SPDYE16: variants seen among roughly 807,000 people sequenced by gnomAD.
SPDYE16 encodes the protein speedy/RINGO cell cycle regulator family member E16, also known as speedy protein E16.
SPDYE16 carries 5 observed loss-of-function variants against 40.1 expected under a neutral mutation model. The ratio of observed to expected loss-of-function variants is 0.12; its 90% confidence interval spans 0.07 to 0.26. The LOEUF (loss-of-function observed/expected upper bound fraction) is 0.26, where lower values mean the gene tolerates loss of function less well. Among genes scored for constraint, SPDYE16 ranks in the 10% least tolerant of loss-of-function variants. The pLI, the probability that SPDYE16 is intolerant of heterozygous loss-of-function variation, is 1.00. For missense variants in SPDYE16, 98 were observed against 409.8 expected (o/e 0.24, Z 6.57); for synonymous variants, 40 against 154.2 (o/e 0.26, Z 5.49).
At position 76,534,043 on chromosome 7, in the gene SPDYE16, G is replaced by C; in HGVS notation, c.832C>G (p.Arg278Gly). Reference protein sequence around the residue: ...NIFYFLYGKTRSRIPLVRNRR... With the variant: ...NIFYFLYGKTGSRIPLVRNRR... ...TTACGGACCAAGGGTATGCGAGAGCGGGTCTTCCCATACAGGAAGTAGAAG... is the reference window on the plus strand; with the variant it reads ...TTACGGACCAAGGGTATGCGAGAGCCGGTCTTCCCATACAGGAAGTAGAAG... The change falls in exon 7 of 9, where the codon CGC (arginine) becomes GGC (glycine). Residue 278 changes from arginine to glycine, a missense_variant. Transcript: ENST00000633306. The C allele has an allele frequency of 1.3e-6, 2 of 1,530,684 alleles. No homozygotes were observed. Among genetic ancestry groups the C allele is most frequent in the East Asian group, 2.4e-5 (1 of 41,594 alleles). 94.8% of individuals were successfully genotyped at this position (1,530,684 alleles called of 1,614,324 possible). A position where few individuals can be genotyped will look rare whatever the true frequency, so the allele number is the denominator to read the frequency against.
Position 76,541,308 on chromosome 7 carries a change from C to A in SPDYE16, c.152G>T (p.Gly51Val), listed in dbSNP as rs1203843688. Residue 51 changes from glycine (G) to valine (V), a missense_variant, in exon 2 of 9, where the codon GGA (glycine) becomes GTA (valine). Transcript: ENST00000633306. ...TCCACCAGTCCCCTCACCTGATGAT[C>A]CCAACACTTCATCATCCACCACCTC... ...LQEVVDDEVL[G>V]SSAPGVDPSP... 2.0e-5 allele frequency: 30 copies of A among 1,534,470 alleles called. 1 individual carries two copies. Among genetic ancestry groups the A allele is most frequent in the Non-Finnish European group, 2.4e-5 (28 of 1,146,638 alleles).
chr7:76,541,256 C>T, intron 2 of SPDYE16, 44 bp downstream of exon 2: 1 of 1,529,656 alleles, frequency 6.5e-7, no homozygotes, highest in Non-Finnish European at 8.7e-7. Context: ...CTTCCTTCGT[C>T]TTAGTCAATC....
At chr7:76,533,301 CA>C in intron 8 of SPDYE16, 1 of 661,366 alleles carries the variant, frequency 1.5e-6, no homozygotes, top group Non-Finnish European at 1.9e-6. Context: ...ACCCTCGACC[CA>C]AATCGGTAAC....
intron 1 of SPDYE16, among the ~76,000 whole-genome samples, 119 bp from the exon 2 acceptor site, chr7:76,541,999 T>TCA (rs1237695482): frequency 6.9e-5 from 8 of 116,020 alleles, no homozygotes; most frequent in African/African-American, 2.3e-4. Flanking sequence ...AGTGAGATTA[T>TCA]CATGTACAAG....
chr7:76,539,868 C>T lies in SPDYE16; in HGVS notation c.379+260G>A, dbSNP rs554357614. Among the ~76,000 whole-genome samples, 32 of 113,482 alleles carry T rather than the reference C, an allele frequency of 2.8e-4. 6 individuals carry two copies. In the South Asian group the frequency reaches 7.9e-3, roughly 28 times the overall value. 74.4% of individuals were successfully genotyped at this position (113,482 alleles called of 152,430 possible). On this transcript the variant is annotated intron_variant, in intron 3 of 8. Coordinates refer to ENST00000633306, the MANE Select transcript of SPDYE16 (RefSeq NM_001394943.1). ...CAATCCTCTTGCCTCAGCCTCCCAG[C>T]GTGCTAGGATCTCAGGCGTGAGCCA...
At chr7:76,541,930 CGAT>C (rs925282343) in intron 1 of SPDYE16, among the ~76,000 whole-genome samples, 50 bp from the exon 2 acceptor site, 1 of 56,940 alleles carries the variant, frequency 1.8e-5, no homozygotes, top group Non-Finnish European at 3.6e-5. Flanking sequence ...TAAGCAGAAA[CGAT>C]GAAACCTTAT....
At chr7:76,539,167 T>G (rs1248398659) in intron 3 of SPDYE16, among the ~76,000 whole-genome samples, 13 of 93,826 alleles carry the variant, frequency 1.4e-4, no homozygotes, top group Non-Finnish European at 2.8e-4. Flanking sequence ...AACCTCCGCC[T>G]CCTGGGTTCC....
chr7:76,532,873 T>TCTAG (rs1812950115), intron 8 of SPDYE16, 79 bp from the exon 9 acceptor site: 1 of 785,624 alleles, frequency 1.3e-6, no homozygotes, highest in Non-Finnish European at 1.5e-6. Context: ...CCATGTCAAG[T>TCTAG]CTAGAGTTCA....
chr7:76,540,974 CTTTTTT>C (rs1292373639), intron 2 of SPDYE16, among the ~76,000 whole-genome samples: 1 of 113,474 alleles, frequency 8.8e-6, no homozygotes, highest in Admixed American at 9.1e-5. Flanking sequence ...CTTTTCTTTT[CTTTTTT>C]TTTTTTTTTT....
chr7:76,537,901 C>T (rs1813070484), intron 4 of SPDYE16, among the ~76,000 whole-genome samples: 2 of 75,996 alleles, frequency 2.6e-5, no homozygotes, highest in South Asian at 5.2e-4. Flanking sequence ...GTGACCATGG[C>T]CTTGGGATCC....
At chr7:76,533,507 G>A (rs1337798811) in intron 8 of SPDYE16, 142 bp downstream of exon 8, 2 of 824,782 alleles carry the variant, frequency 2.4e-6, no homozygotes, top group South Asian at 2.5e-5. Flanking sequence ...ATCCCACGTC[G>A]CCTGGCTAAT....
intron 1 of SPDYE16, among the ~76,000 whole-genome samples, 172 bp downstream of exon 1, chr7:76,543,004 C>G (rs1271825021): frequency 3.9e-4 from 55 of 142,820 alleles, no homozygotes; most frequent in African/African-American, 5.0e-4. Context: ...ACTAAAAATA[C>G]AAAAAATTAG....
At position 76,541,415 on chromosome 7, in the gene SPDYE16, C is replaced by T; in HGVS notation, c.45G>A (p.Lys15=). The T allele has an allele frequency of 6.5e-7, 1 of 1,534,800 alleles. No individual in the cohort carries two copies. Among genetic ancestry groups the T allele is most frequent in the Non-Finnish European group, 8.7e-7 (1 of 1,146,642 alleles). The change falls in exon 2 of 9, where the codon AAG becomes AAA. Residue 15 remains lysine, a synonymous_variant. Transcript: ENST00000633306. ...GTTGACGGCTGGTCGTGATCTTTCC[C>T]TTAATCTGTCCCCTCTTACGGAACC... is the stretch of plus-strand genomic sequence containing the variant. ...ETRFRKRGQI[K]GKITTSRQPH... is the part of the protein sequence containing the mutation.
intron 1 of SPDYE16, among the ~76,000 whole-genome samples, 127 bp downstream of exon 1, chr7:76,543,049 A>G (rs1490148663): frequency 6.8e-6 from 1 of 147,148 alleles, no homozygotes; most frequent in East Asian, 2.0e-4. Flanking sequence ...AATCGCAGCT[A>G]CTCAGGAGAG....
Position 76,533,372 on chromosome 7 carries a change from C to A in SPDYE16, c.*45+277G>T. 6.3e-6 allele frequency: 4 copies of A among 638,970 alleles called. 1 individual carries two copies. The highest frequency in any genetic ancestry group is 8.4e-6 in the Non-Finnish European group (4 of 477,230). 39.6% of individuals were successfully genotyped at this position (638,970 alleles called of 1,614,324 possible). On this transcript the variant is annotated intron_variant, in intron 8 of 8. Transcript: ENST00000633306. The stretch of plus-strand genomic sequence containing the variant: ...TCAGTATTTATGATTCTTTTTGAGG[C>A]AGGGTCTCACTCTGTCGCCCAGACT...
rs916520671 is a variant in SPDYE16 at position 76,541,635 on chromosome 7, A to C, written c.-176T>G. Among the ~76,000 whole-genome samples the C allele has an allele frequency of 2.0e-5, 3 of 148,092 alleles. No individual in the cohort carries two copies. The highest frequency in any genetic ancestry group is 5.0e-5 in the African/African-American group (2 of 39,826). On this transcript the variant is annotated 5_prime_UTR_variant, in exon 2 of 9. An upstream start codon of the reference 5' UTR is lost. Transcript: ENST00000633306. ...GTCGGAATCTCTGATGTCATCGTTC[A>C]TGCCAACCTGGCAACCAGTTTGAAA...
rs1051559638 is a variant in SPDYE16, at chr7:76,536,608, C to T, written c.670-351G>A. Among the ~76,000 whole-genome samples, 41 of 107,098 alleles carry T rather than the reference C, an allele frequency of 3.8e-4. 3 individuals carry two copies. Among genetic ancestry groups the T allele is most frequent in the African/African-American group, 1.6e-3 (35 of 22,452 alleles). The allele number at this position is 107,098 out of a possible 152,430, so 70.3% of individuals were successfully genotyped here. ...AGAGGGGCTAGGAGCTTCAGGGCTG[C>T]GGCCAGACTGTGGCCCAGAGCTCAG... On this transcript the variant is annotated intron_variant, in intron 5 of 8. Transcript: ENST00000633306.
intron 6 of SPDYE16, among the ~76,000 whole-genome samples, chr7:76,535,950 T>C (rs1225821455): frequency 1.2e-5 from 1 of 83,192 alleles, no homozygotes; most frequent in Non-Finnish European, 2.4e-5. Context: ...GTGATCTGCC[T>C]GCCTCGGCCT....
At chr7:76,539,339 A>C (rs1412020222) in intron 3 of SPDYE16, among the ~76,000 whole-genome samples, 1 of 96,858 alleles carries the variant, frequency 1.0e-5, no homozygotes, top group Admixed American at 1.0e-4. Flanking sequence ...GGCCTCCCAA[A>C]GTGCTGGGAT....
Sources: gnomAD v4.1 joint callset for allele counts (sites outside exome capture counted in the v4.1 genomes callset) on GRCh38, gnomAD v4.1.1 for gene constraint, MANE v1.5 for transcripts, NCBI Gene and HGNC (gene_info 2026-07-23, HGNC 2026-07-21) for gene names.